COL11A1: variants seen among roughly 807,000 people sequenced by gnomAD.
COL11A1 encodes collagen alpha-1(XI) chain.
Under a neutral mutation model 265.2 loss-of-function variants are expected in COL11A1, and 74 were observed. That is an observed-to-expected ratio of 0.28 (90% CI 0.23 to 0.34). The LOEUF (loss-of-function observed/expected upper bound fraction) is 0.34. COL11A1 is among the 10% of genes least tolerant of loss of function. The pLI is 1.00. For synonymous variants in COL11A1, 816 were observed against 727.6 expected (o/e 1.12, Z -1.96); for missense variants, 2,165 against 2,263.6 (o/e 0.96, Z 0.88).
At chr1:102,987,862 C>T in intron 29 of COL11A1, 122 bp from the exon 30 acceptor site, 2 of 746,744 alleles carry the variant, frequency 2.7e-6, no homozygotes, top group Non-Finnish European at 4.8e-6. Context: ...CTTTTACCTT[C>T]AAACTGCCCT....
intron 1 of COL11A1, among the ~76,000 whole-genome samples, chr1:103,087,066 A>G (rs1558042193): frequency 6.6e-6 from 1 of 152,214 alleles, no homozygotes; most frequent in Non-Finnish European, 1.5e-5. Flanking sequence ...GCAACTGTTC[A>G]AAGATTAAAA....
rs145159429 is a variant in COL11A1, at chr1:103,082,933, T to C, written c.146A>G (p.Asn49Ser). Residue 49 changes from asparagine to serine, a missense_variant, in exon 2 of 67, where the codon AAT becomes AGT. Transcript: ENST00000370096. Reference sequence around the variant, plus strand: ...TGTTTTTGATATTCCCTCTGGAGAATTGTGAAAATCTAGTGCTTTTAGTAC... The same window carrying C: ...TGTTTTTGATATTCCCTCTGGAGAACTGTGAAAATCTAGTGCTTTTAGTAC... ...VDVLKALDFH[N>S]SPEGISKTTG... is the part of the protein sequence containing the mutation. 174 of 1,613,314 alleles carry C rather than the reference T, an allele frequency of 1.1e-4. 1 individual carries two copies. The highest frequency in any genetic ancestry group is 9.9e-4 in the Middle Eastern group (6 of 6,056).
chr1:103,089,114 A>G (rs1029128788), intron 1 of COL11A1, among the ~76,000 whole-genome samples: 6 of 152,206 alleles, frequency 3.9e-5, no homozygotes, highest in Non-Finnish European at 1.5e-5. Context: ...TCCTGTCAAT[A>G]GAATCATCTG....
At chr1:102,948,716 G>T (rs1279230501) in intron 41 of COL11A1, among the ~76,000 whole-genome samples, 1 of 151,570 alleles carries the variant, frequency 6.6e-6, no homozygotes. Flanking sequence ...GTACTTTTTT[G>T]ATAATAAACA....
intron 1 of COL11A1, among the ~76,000 whole-genome samples, chr1:103,085,507 G>A (rs1372168747): frequency 6.8e-6 from 1 of 147,226 alleles, no homozygotes; most frequent in African/African-American, 2.4e-5. Flanking sequence ...TCGCCACATA[G>A]TGGCCCTGAC....
intron 4 of COL11A1, among the ~76,000 whole-genome samples, chr1:103,043,821 AT>A (rs1289334355): frequency 3.9e-5 from 6 of 152,224 alleles, no homozygotes; most frequent in African/African-American, 1.4e-4. Flanking sequence ...TATTCTATAA[AT>A]CAAACACATG....
intron 4 of COL11A1, among the ~76,000 whole-genome samples, chr1:103,036,847 T>C (rs1460861302): frequency 6.6e-6 from 1 of 152,106 alleles, no homozygotes; most frequent in African/African-American, 2.4e-5. Flanking sequence ...TAAGGTACAG[T>C]TGATGCAATT....
chr1:102,977,662 TA>T (rs1393093807), intron 35 of COL11A1, among the ~76,000 whole-genome samples: 1 of 152,148 alleles, frequency 6.6e-6, no homozygotes, highest in Non-Finnish European at 1.5e-5. Flanking sequence ...TTAATTAATT[TA>T]AATGTCCCTT....
At chr1:103,095,634 A>C (rs1673695802) in intron 1 of COL11A1, among the ~76,000 whole-genome samples, 1 of 151,970 alleles carries the variant, frequency 6.6e-6, no homozygotes, top group Admixed American at 6.6e-5. Flanking sequence ...ATCTTTTTTC[A>C]AAAAATTATC....
At chr1:102,878,202 T>C (rs1352358119) in intron 66 of COL11A1, 37 bp from the exon 67 acceptor site, 5 of 1,545,550 alleles carry the variant, frequency 3.2e-6, no homozygotes, top group Non-Finnish European at 4.4e-6. Context: ...TTATACAATC[T>C]TTTAATATTT....
intron 3 of COL11A1, 129 bp downstream of exon 3, chr1:103,078,529 A>AT: frequency 2.5e-6 from 2 of 795,608 alleles, no homozygotes; most frequent in Non-Finnish European, 4.2e-6. Flanking sequence ...GTCTTTATGT[A>AT]TTTTTTGCTC....
chr1:103,082,119 A>G (rs1672464275), intron 2 of COL11A1, among the ~76,000 whole-genome samples: 1 of 151,958 alleles, frequency 6.6e-6, no homozygotes, highest in Non-Finnish European at 1.5e-5. Context: ...TATTAGGTCA[A>G]TTAGTGCTCT....
At chr1:102,997,018 T>A in intron 26 of COL11A1, 62 bp downstream of exon 26, 39 of 1,397,552 alleles carry the variant, frequency 2.8e-5, no homozygotes, top group Non-Finnish European at 4.0e-5. Flanking sequence ...GATGACCAAA[T>A]TAAGGCATTT....
chr1:102,911,688 C>T (rs1284448413), intron 54 of COL11A1, among the ~76,000 whole-genome samples: 2 of 152,182 alleles, frequency 1.3e-5, no homozygotes, highest in Non-Finnish European at 2.9e-5. Flanking sequence ...CATTAAAATA[C>T]TGTTTCCGAG....
intron 48 of COL11A1, 90 bp downstream of exon 48, chr1:102,921,428 A>G (rs1295999446): frequency 5.7e-6 from 6 of 1,052,026 alleles, no homozygotes; most frequent in Non-Finnish European, 8.7e-6. Flanking sequence ...CAATAGTTTA[A>G]TATTGTTATA....
chr1:102,977,880 A>C (rs982859550), intron 35 of COL11A1, among the ~76,000 whole-genome samples: 8 of 152,104 alleles, frequency 5.3e-5, no homozygotes, highest in African/African-American at 1.9e-4. Context: ...TCACAAATAA[A>C]AACTCAAGTT....
Position 102,914,772 on chromosome 1 carries a change from G to A in COL11A1, c.3856C>T (p.Pro1286Ser). ...GERGEKGEAG[P>S]PGAAGPPGAK... is the part of the protein sequence containing the mutation. The stretch of plus-strand genomic sequence containing the variant: ...CCTGGAGGTCCAGCAGCTCCAGGTG[G>A]ACCAGCTTCCCCTTTCTCTCCTCTT... The change falls in exon 51 of 67, where the codon CCA becomes TCA. Residue 1286 changes from proline (P) to serine (S), a missense_variant. Coordinates refer to ENST00000370096, the MANE Select transcript of COL11A1 (RefSeq NM_001854.4). 6.2e-7 allele frequency: 1 copy of A among 1,612,528 alleles called. No individual in the cohort carries two copies. Among genetic ancestry groups the A allele is most frequent in the Non-Finnish European group, 8.5e-7 (1 of 1,179,772 alleles).
At chr1:102,968,071 C>T (rs1661617844) in intron 37 of COL11A1, among the ~76,000 whole-genome samples, 1 of 152,170 alleles carries the variant, frequency 6.6e-6, no homozygotes, top group African/African-American at 2.4e-5. Context: ...GTATCTAATA[C>T]ATTTGATCTT....
chr1:102,905,146 T>C (rs1391027113), intron 54 of COL11A1, among the ~76,000 whole-genome samples: 1 of 144,578 alleles, frequency 6.9e-6, no homozygotes, highest in Non-Finnish European at 1.5e-5. Flanking sequence ...CACCGCATGT[T>C]CTCACTCATA....
Sources: allele counts gnomAD v4.1 joint callset (sites outside exome capture counted in the v4.1 genomes callset), GRCh38; gene constraint gnomAD v4.1.1; transcripts MANE v1.5; gene names NCBI Gene and HGNC (gene_info 2026-07-23, HGNC 2026-07-21).